Variants in TNKS observed in about 807,000 individuals in gnomAD.
TNKS encodes poly [ADP-ribose] polymerase tankyrase-1.
In TNKS, 72 loss-of-function variants were observed where a neutral mutation model predicts 135.8. That is an observed-to-expected ratio of 0.53 (90% confidence interval 0.44 to 0.64). The LOEUF is 0.64. Among genes scored for constraint, TNKS ranks in the 30% least tolerant of loss-of-function variants. The probability of loss-of-function intolerance (pLI) is 0.00; values close to 1 mark genes in which losing one functional copy is unlikely to be tolerated. For missense variants in TNKS, 1,769 were observed against 1,674.0 expected, an observed-to-expected ratio of 1.06 and a Z score of -0.99; for synonymous variants, 849 against 649.3, an observed-to-expected ratio of 1.31 and a Z score of -4.68.
At chr8:9,617,276 A>G (rs1177292786) in intron 3 of TNKS, among the ~76,000 whole-genome samples, 3 of 152,350 alleles carry the variant, frequency 2.0e-5, no homozygotes, top group East Asian at 1.9e-4. Context: ...TGGAGGACAG[A>G]TATCACATCT....
intron 2 of TNKS, among the ~76,000 whole-genome samples, chr8:9,609,921 A>G (rs1799384540): frequency 6.6e-6 from 1 of 152,014 alleles, no homozygotes; most frequent in Non-Finnish European, 1.5e-5. Flanking sequence ...GCAGTGGCAC[A>G]ATCTCAGCTC....
chr8:9,567,627 G>C (rs149678404), intron 1 of TNKS, among the ~76,000 whole-genome samples: 2,705 of 152,122 alleles, frequency 0.018, 34 homozygotes, highest in Non-Finnish European at 0.026. Context: ...CCGTGTTAGC[G>C]AGGATGGTCT....
intron 2 of TNKS, among the ~76,000 whole-genome samples, chr8:9,604,461 T>C (rs1799143222): frequency 6.6e-6 from 1 of 152,076 alleles, no homozygotes; most frequent in South Asian, 2.1e-4. Context: ...TAGAATTCAA[T>C]GGAAATGGAA....
At chr8:9,621,579 TAC>T (rs5889293) in intron 3 of TNKS, among the ~76,000 whole-genome samples, 12,597 of 152,222 alleles carry the variant, frequency 0.083, 552 homozygotes, top group South Asian at 0.17. Context: ...GTGCTGGAAT[TAC>T]AGGCTTATTT....
At chr8:9,587,122 G>A (rs996260800) in intron 2 of TNKS, among the ~76,000 whole-genome samples, 6 of 151,946 alleles carry the variant, frequency 3.9e-5, no homozygotes, top group African/African-American at 1.5e-4. Flanking sequence ...TGGAATTTTG[G>A]TTGCTAATCA....
chr8:9,657,217 C>T lies in TNKS; in HGVS notation c.995-22734C>T, dbSNP rs1348204982. ...GGCGGCCGGGCAGAGGTGCCCCTCA[C>T]CTCCCGGACGGGGCGGCTGGCCGGG... On this transcript the variant is annotated intron_variant, in intron 3 of 26. Coordinates refer to ENST00000310430, the MANE Select transcript of TNKS (RefSeq NM_003747.3). 3.9e-5 allele frequency among the ~76,000 whole-genome samples: 5 copies of T among 128,300 alleles called. No homozygotes were observed. In the East Asian group the frequency reaches 1.2e-3, roughly 30 times the overall value. The allele number at this position is 128,300 out of a possible 152,430, so 84.2% of individuals were successfully genotyped here.
chr8:9,584,024 CGTGGTG>C (rs1235690078), intron 2 of TNKS, among the ~76,000 whole-genome samples: 1 of 151,130 alleles, frequency 6.6e-6, no homozygotes, highest in African/African-American at 2.4e-5. Context: ...ATTAGCCGGG[CGTGGTG>C]GTGGGCGCCT....
chr8:9,718,779 G>C (rs1804729803), intron 11 of TNKS, among the ~76,000 whole-genome samples: 1 of 152,160 alleles, frequency 6.6e-6, no homozygotes, highest in African/African-American at 2.4e-5. Context: ...CCACAGTTGA[G>C]GGGTAACATT....
intron 3 of TNKS, among the ~76,000 whole-genome samples, chr8:9,631,779 AG>A (rs1800299423): frequency 6.6e-6 from 1 of 151,094 alleles, no homozygotes; most frequent in African/African-American, 2.4e-5. Context: ...TTTTTTTTCA[AG>A]AAAAAGTGTC....
At chr8:9,669,593 A>G (rs1019895955) in intron 3 of TNKS, among the ~76,000 whole-genome samples, 3 of 152,188 alleles carry the variant, frequency 2.0e-5, no homozygotes, top group East Asian at 1.9e-4. Flanking sequence ...TTACATTTAT[A>G]TTTAGATTAA....
intron 2 of TNKS, among the ~76,000 whole-genome samples, chr8:9,609,063 G>T (rs1799344312): frequency 6.6e-6 from 1 of 151,806 alleles, no homozygotes; most frequent in South Asian, 2.1e-4. Context: ...TTATACATTT[G>T]CCCTATTATT....
intron 3 of TNKS, among the ~76,000 whole-genome samples, chr8:9,630,325 A>G (rs1294433529): frequency 6.6e-6 from 1 of 152,202 alleles, no homozygotes; most frequent in South Asian, 2.1e-4. Flanking sequence ...ACAACATGGT[A>G]AAATCAAAAC....
At chr8:9,698,342 G>A (rs1278400430) in intron 5 of TNKS, among the ~76,000 whole-genome samples, 1 of 120,908 alleles carries the variant, frequency 8.3e-6, no homozygotes, top group African/African-American at 3.2e-5. Flanking sequence ...CCTGCACATG[G>A]CCCCCTGTAT....
intron 1 of TNKS, among the ~76,000 whole-genome samples, chr8:9,571,707 C>T (rs1041774926): frequency 3.9e-5 from 6 of 152,252 alleles, no homozygotes; most frequent in Admixed American, 2.0e-4. Context: ...TCCAAAAGTG[C>T]TGGGCCTCAG....
At chr8:9,726,759 A>G in intron 13 of TNKS, 39 bp downstream of exon 13, 1 of 1,482,902 alleles carries the variant, frequency 6.7e-7, no homozygotes, top group South Asian at 1.2e-5. Flanking sequence ...AGCACTGTTG[A>G]ACTTTGCTAA....
intron 2 of TNKS, among the ~76,000 whole-genome samples, chr8:9,594,814 T>A (rs917024829): frequency 6.6e-6 from 1 of 152,204 alleles, no homozygotes; most frequent in Non-Finnish European, 1.5e-5. Context: ...CTTAATTGCT[T>A]TAGGATAAAT....
At chr8:9,681,376 T>G (rs1449165196) in intron 5 of TNKS, among the ~76,000 whole-genome samples, 35 of 152,140 alleles carry the variant, frequency 2.3e-4, no homozygotes, top group Admixed American at 2.3e-3. Flanking sequence ...TTGCCATAAA[T>G]GTAAGGTAAT....
At position 9,610,149 on chromosome 8, in the gene TNKS, G is replaced by A. The variant is rs192823809; in HGVS notation, c.899-5433G>A. ...TGAGATTACAGACATGAGCTACTGC[G>A]CCCGGCCTTGAATTTTCATAGTTAC... On this transcript the variant is annotated intron_variant, in intron 2 of 26. Transcript: ENST00000310430. Among the ~76,000 whole-genome samples the A allele has an allele frequency of 6.7e-5, 10 of 149,228 alleles. No homozygotes were observed. In the East Asian group the frequency reaches 7.9e-4, roughly 12 times the overall value.
chr8:9,568,489 A>G (rs1224646746), intron 1 of TNKS, among the ~76,000 whole-genome samples: 1 of 152,182 alleles, frequency 6.6e-6, no homozygotes, highest in East Asian at 1.9e-4. Context: ...AAAATTTAAA[A>G]TGAATATAAT....
Sources: allele counts gnomAD v4.1 joint callset (sites outside exome capture counted in the v4.1 genomes callset), GRCh38; gene constraint gnomAD v4.1.1; transcripts MANE v1.5; gene names NCBI Gene and HGNC (gene_info 2026-07-23, HGNC 2026-07-21).